Variants in PUDP observed in about 807,000 individuals in gnomAD.
PUDP encodes pseudouridine-5'-phosphatase.
In PUDP, 8 loss-of-function variants were observed where a neutral mutation model predicts 9.4. The ratio of observed to expected loss-of-function variants is 0.85; its 90% CI spans 0.50 to 1.53. PUDP has a LOEUF of 1.53. Ranked by LOEUF, PUDP falls within the 40% of genes most tolerant of loss-of-function variation. The pLI is 0.00. For missense variants in PUDP, 188 were observed against 189.7 expected (o/e 0.99, Z 0.05); for synonymous variants, 99 against 80.7 (o/e 1.23, Z -1.22).
chrX:6,807,047 G>T (rs1424274181), intron 3 of PUDP, among the ~76,000 whole-genome samples: 1 of 112,349 alleles, frequency 8.9e-6, no homozygotes, highest in African/African-American at 3.2e-5. Flanking sequence ...CCCTCTGAAA[G>T]GTTGCCTATT....
At chrX:7,123,897 GC>G (rs1358474576) in intron 1 of PUDP, among the ~76,000 whole-genome samples, 2 of 111,926 alleles carry the variant, frequency 1.8e-5, no homozygotes, top group Non-Finnish European at 3.8e-5. Flanking sequence ...AATACAAGCA[GC>G]AAAAACTGTC....
chrX:6,971,758 A>G (rs1304156528), intron 3 of PUDP, among the ~76,000 whole-genome samples: 2 of 111,616 alleles, frequency 1.8e-5, no homozygotes, highest in African/African-American at 6.5e-5. Context: ...GAAGAAAGTC[A>G]GTGGTAGCTT....
chrX:6,858,081 G>A (rs186474864), intron 3 of PUDP, among the ~76,000 whole-genome samples: 45 of 111,413 alleles, frequency 4.0e-4, no homozygotes, highest in Non-Finnish European at 7.9e-4. Context: ...GACCTCTGGC[G>A]ATGGGAGACA....
chrX:6,854,892 G>A (rs1018183323), intron 3 of PUDP, among the ~76,000 whole-genome samples: 2 of 110,510 alleles, frequency 1.8e-5, no homozygotes, highest in African/African-American at 6.6e-5. Context: ...TAAGGTTAAA[G>A]GTTAAAGAAA....
intron 3 of PUDP, among the ~76,000 whole-genome samples, chrX:6,972,829 T>G (rs1034273913): frequency 5.4e-5 from 6 of 111,978 alleles, no homozygotes; most frequent in African/African-American, 1.9e-4. Flanking sequence ...TCTGAATCTA[T>G]CTGGTCCTGG....
intron 3 of PUDP, among the ~76,000 whole-genome samples, chrX:7,071,966 T>C (rs1233338156): frequency 9.0e-6 from 1 of 110,636 alleles, no homozygotes; most frequent in Non-Finnish European, 1.9e-5. Context: ...ATCATTATTA[T>C]ATTTTGTAGA....
At chrX:6,826,585 T>C (rs763328768) in intron 3 of PUDP, among the ~76,000 whole-genome samples, 2 of 112,067 alleles carry the variant, frequency 1.8e-5, no homozygotes, top group African/African-American at 6.5e-5. Context: ...ACTAAACTTA[T>C]ATAGATATAG....
intron 1 of PUDP, among the ~76,000 whole-genome samples, chrX:6,717,121 G>A (rs1393931071): frequency 1.8e-5 from 2 of 111,683 alleles, no homozygotes; most frequent in African/African-American, 3.3e-5. Flanking sequence ...TCCAGAAGAA[G>A]AGTGACTGAT....
At chrX:7,077,796 T>C (rs1055540125) in intron 2 of PUDP, among the ~76,000 whole-genome samples, 2 of 112,657 alleles carry the variant, frequency 1.8e-5, no homozygotes, top group Non-Finnish European at 3.8e-5. Context: ...GGACCTGGGA[T>C]CTGGCCAGGG....
intron 2 of PUDP, among the ~76,000 whole-genome samples, chrX:6,977,684 G>C (rs1026894492): frequency 4.5e-5 from 5 of 112,038 alleles, no homozygotes; most frequent in African/African-American, 1.6e-4. Flanking sequence ...TTGCTACTCA[G>C]ATACTTGGAC....
In PUDP at chrX:6,869,702, A is replaced by G. The variant is rs182120453; in HGVS notation, c.*247+107431T>C. Among the ~76,000 whole-genome samples, 242 of 110,790 alleles carry G rather than the reference A, an allele frequency of 2.2e-3. 2 individuals are homozygous for G. Among genetic ancestry groups the G allele is most frequent in the Middle Eastern group, 9.4e-3 (2 of 213 alleles). On this transcript the variant is annotated intron_variant and NMD_transcript_variant, in intron 3 of 3. Transcript: ENST00000655425. ...GGAAATGCAAATCAAAACCACAAAGAGATATACTACACACCCATTAGCATG... is the reference window on the plus strand; with the variant it reads ...GGAAATGCAAATCAAAACCACAAAGGGATATACTACACACCCATTAGCATG...
At chrX:6,932,446 G>A (rs1928206153) in intron 3 of PUDP, among the ~76,000 whole-genome samples, 1 of 111,951 alleles carries the variant, frequency 8.9e-6, no homozygotes, top group Non-Finnish European at 1.9e-5. Context: ...TAACCCCCAT[G>A]TCTTCATCCT....
At chrX:6,747,405 T>G (rs1925013017) in intron 3 of PUDP, among the ~76,000 whole-genome samples, 1 of 112,133 alleles carries the variant, frequency 8.9e-6, no homozygotes, top group Non-Finnish European at 1.9e-5. Flanking sequence ...ATATTAAAAA[T>G]TCTTTCAATT....
intron 3 of PUDP, among the ~76,000 whole-genome samples, chrX:6,913,988 A>G (rs1187270070): frequency 9.1e-6 from 1 of 109,998 alleles, no homozygotes. Context: ...TAACACAGTG[A>G]AACCCCGTCT....
intron 3 of PUDP, among the ~76,000 whole-genome samples, chrX:6,728,006 C>G (rs372770455): frequency 5.1e-4 from 57 of 111,478 alleles, no homozygotes; most frequent in African/African-American, 1.8e-3. Flanking sequence ...TAAAGACATA[C>G]CTGAGACTGG....
chrX:6,793,738 T>G lies in PUDP; in HGVS notation c.*248-87272A>C, dbSNP rs771328438. ...CTTAACCCCAGCCATGGCTAATGCC[T>G]GTTCAGACTGAGGCAAGAAAAGACG... On this transcript the variant is annotated intron_variant and NMD_transcript_variant, in intron 3 of 3. Transcript: ENST00000655425. Among the ~76,000 whole-genome samples, 97 of 111,284 alleles carry G rather than the reference T, an allele frequency of 8.7e-4. 1 individual carries two copies. Among genetic ancestry groups the G allele is most frequent in the Admixed American group, 3.9e-3 (41 of 10,466 alleles).
chrX:6,857,636 G>A (rs1166853524), intron 3 of PUDP, among the ~76,000 whole-genome samples: 5 of 111,066 alleles, frequency 4.5e-5, no homozygotes, highest in Admixed American at 1.9e-4. Flanking sequence ...TTCTTGCTAC[G>A]TTGTCCAGGC....
intron 3 of PUDP, among the ~76,000 whole-genome samples, chrX:6,890,935 CAAAAAA>C (rs764486249): frequency 0.011 from 379 of 33,059 alleles, 4 homozygotes; most frequent in Middle Eastern, 0.023. Context: ...CTCATCTCTC[CAAAAAA>C]AAAAAAAAAA....
intron 1 of PUDP, among the ~76,000 whole-genome samples, chrX:6,993,860 C>T (rs1929217568): frequency 8.9e-6 from 1 of 111,748 alleles, no homozygotes; most frequent in Non-Finnish European, 1.9e-5. Context: ...CTAGAGGAAT[C>T]AATCTTCATG....
Sources: gnomAD v4.1 joint callset for allele counts (sites outside exome capture counted in the v4.1 genomes callset) on GRCh38, gnomAD v4.1.1 for gene constraint, MANE v1.5 for transcripts, NCBI Gene and HGNC (gene_info 2026-07-23, HGNC 2026-07-21) for gene names.